The following PLXNA2 variants were observed in gnomAD, a reference collection of about 807,000 sequenced individuals.
The protein encoded by PLXNA2 is plexin A2.
A neutral mutation model predicts 193.5 loss-of-function variants in PLXNA2; 91 were observed. The ratio of observed to expected loss-of-function variants is 0.47; its 90% CI spans 0.40 to 0.56. The LOEUF (loss-of-function observed/expected upper bound fraction) is 0.56, where lower values mean the gene tolerates loss of function less well. Ranked by LOEUF, PLXNA2 falls within the 20% of genes least tolerant of loss-of-function variation. The pLI is 0.00. For synonymous variants in PLXNA2, 997 were observed against 1,027.3 expected, an observed-to-expected ratio of 0.97 and a Z score of 0.56; for missense variants, 1,995 against 2,503.2, an observed-to-expected ratio of 0.80 and a Z score of 4.33.
At chr1:208,226,768 A>G (rs1671524589) in intron 1 of PLXNA2, among the ~76,000 whole-genome samples, 1 of 152,216 alleles carries the variant, frequency 6.6e-6, no homozygotes, top group East Asian at 1.9e-4. Context: ...AATTTCAAGC[A>G]GCTGCCTTCC....
chr1:208,218,393 G>A (rs1671213817), intron 1 of PLXNA2, among the ~76,000 whole-genome samples: 1 of 152,122 alleles, frequency 6.6e-6, no homozygotes. Context: ...CAGCCCAGTG[G>A]AAGTCGCTCC....
chr1:208,167,353 G>A (rs1422801533), intron 3 of PLXNA2, among the ~76,000 whole-genome samples: 2 of 152,176 alleles, frequency 1.3e-5, no homozygotes, highest in Non-Finnish European at 2.9e-5. Flanking sequence ...AGTTTTGAAT[G>A]TACTCCATTG....
chr1:208,173,964 AC>A (rs1168837074), intron 3 of PLXNA2, among the ~76,000 whole-genome samples: 1 of 152,098 alleles, frequency 6.6e-6, no homozygotes, highest in Non-Finnish European at 1.5e-5. Flanking sequence ...GCATGTGCGC[AC>A]CCCCACTCAC....
intron 3 of PLXNA2, among the ~76,000 whole-genome samples, chr1:208,164,806 A>G (rs1669245874): frequency 6.6e-6 from 1 of 152,212 alleles, no homozygotes; most frequent in Non-Finnish European, 1.5e-5. Context: ...GGAAGTACTT[A>G]GCAGGCGCTG....
At chr1:208,185,005 G>C (rs115228411) in intron 3 of PLXNA2, among the ~76,000 whole-genome samples, 1,902 of 152,270 alleles carry the variant, frequency 0.012, 38 homozygotes, top group African/African-American at 0.039. Flanking sequence ...CTTCTTTTAG[G>C]CATGGAGCAC....
At chr1:208,126,237 A>C (rs937235443) in intron 4 of PLXNA2, among the ~76,000 whole-genome samples, 7 of 152,104 alleles carry the variant, frequency 4.6e-5, no homozygotes, top group Non-Finnish European at 1.0e-4. Context: ...CTCTGCAGAA[A>C]TCTGTTAGAC....
At chr1:208,235,518 C>T (rs1432271470) in intron 1 of PLXNA2, among the ~76,000 whole-genome samples, 3 of 152,140 alleles carry the variant, frequency 2.0e-5, no homozygotes, top group African/African-American at 4.8e-5. Context: ...ATGGAGAAAC[C>T]GAGGTGCTGG....
Position 208,088,517 on chromosome 1 carries a change from T to C in PLXNA2, c.2098-3937A>G, listed in dbSNP as rs1000113676. Among the ~76,000 whole-genome samples the C allele has an allele frequency of 2.0e-5, 3 of 152,228 alleles. No individual in the cohort carries two copies. The East Asian group carries it at 5.8e-4, about 29-fold the overall frequency. The stretch of plus-strand genomic sequence containing the variant: ...GGCCTGGCTTAGCCATGGAGGGAGA[T>C]GAGCTTTAAAAGCTGAAAGCCATAC... On this transcript the variant is annotated intron_variant, in intron 9 of 31. Transcript: ENST00000367033.
chr1:208,191,811 G>A (rs1670190359), intron 3 of PLXNA2, among the ~76,000 whole-genome samples: 2 of 152,218 alleles, frequency 1.3e-5, no homozygotes, highest in Non-Finnish European at 2.9e-5. Context: ...GCTTCCTAGA[G>A]GAGGTGGTGT....
At position 208,052,456 on chromosome 1, in the gene PLXNA2, G is replaced by A; in HGVS notation, c.2864C>T (p.Ser955Phe). Residue 955 changes from serine to phenylalanine, a missense_variant, in exon 15 of 32, where the codon TCT (serine) becomes TTT (phenylalanine). Around this residue, in one of 3 missense-constraint regions of PLXNA2, gnomAD observed 1,291 missense variants for 1,673.6 expected, o/e 0.77. Coordinates refer to ENST00000367033, the MANE Select transcript of PLXNA2 (RefSeq NM_025179.4). ...TCGGATTGGGTTGAGTGACAGCACA[G>A]AAGGGTTCTTTGGAAAGAAGCAGAG... ...SHQQYTFVNP[S>F]VLSLNPIRGP... is the part of the protein sequence containing the mutation. The A allele has an allele frequency of 6.2e-7, 1 of 1,614,132 alleles. No individual in the cohort carries two copies. The highest frequency in any genetic ancestry group is 8.5e-7 in the Non-Finnish European group (1 of 1,179,996).
At chr1:208,049,939 T>C (rs1214582580) in intron 17 of PLXNA2, among the ~76,000 whole-genome samples, 1 of 152,190 alleles carries the variant, frequency 6.6e-6, no homozygotes, top group Non-Finnish European at 1.5e-5. Context: ...TGAAAAATAA[T>C]GGCCATAGTA....
chr1:208,048,619 C>T (rs1168034664), intron 17 of PLXNA2, among the ~76,000 whole-genome samples: 1 of 152,154 alleles, frequency 6.6e-6, no homozygotes, highest in African/African-American at 2.4e-5. Context: ...GTAAATGAGT[C>T]CTGGTGAGGG....
chr1:208,188,182 C>T (rs2489774), intron 3 of PLXNA2, among the ~76,000 whole-genome samples: 5,105 of 152,256 alleles, frequency 0.034, 147 homozygotes, highest in East Asian at 0.12. Context: ...GAGGAAAGAA[C>T]CCATGTCCTA....
intron 17 of PLXNA2, among the ~76,000 whole-genome samples, chr1:208,048,579 G>A (rs148630905): frequency 2.6e-4 from 39 of 152,320 alleles, no homozygotes; most frequent in Non-Finnish European, 3.1e-4. Context: ...GGGGCTGGAG[G>A]AAGCGCTGAG....
intron 28 of PLXNA2, 99 bp downstream of exon 28, chr1:208,033,220 C>A (rs1405734103): frequency 6.0e-6 from 7 of 1,166,514 alleles, no homozygotes; most frequent in African/African-American, 1.5e-5. Context: ...TGAATGGGTC[C>A]TCTTGAAGGA....
chr1:208,072,282 G>T (rs1666000910), intron 12 of PLXNA2, among the ~76,000 whole-genome samples: 1 of 152,224 alleles, frequency 6.6e-6, no homozygotes, highest in Admixed American at 6.5e-5. Context: ...GGTCATTGGA[G>T]AAACAGCTGT....
At chr1:208,050,402 G>T (rs995710221) in intron 17 of PLXNA2, among the ~76,000 whole-genome samples, 2 of 152,216 alleles carry the variant, frequency 1.3e-5, no homozygotes, top group Non-Finnish European at 2.9e-5. Context: ...TCCAATATGG[G>T]TTTTCACTGG....
chr1:208,091,292 A>G (rs909718479), intron 9 of PLXNA2, among the ~76,000 whole-genome samples: 1 of 152,148 alleles, frequency 6.6e-6, no homozygotes, highest in African/African-American at 2.4e-5. Flanking sequence ...TCAAAGGGGT[A>G]TGTGTTTGAG....
chr1:208,176,609 A>T (rs1275132591), intron 3 of PLXNA2, among the ~76,000 whole-genome samples: 1 of 152,062 alleles, frequency 6.6e-6, no homozygotes, highest in Non-Finnish European at 1.5e-5. Context: ...AAAGAGGGTG[A>T]TTTTACCCAG....
Sources: gnomAD v4.1 joint callset for allele counts (sites outside exome capture counted in the v4.1 genomes callset) on GRCh38, gnomAD v4.1.1 for gene constraint, gnomAD v4.1.1 regional missense constraint, MANE v1.5 for transcripts, NCBI Gene and HGNC (gene_info 2026-07-23, HGNC 2026-07-21) for gene names.